Variants in ANAPC10 observed in about 807,000 individuals in gnomAD.
ANAPC10 encodes anaphase-promoting complex subunit 10.
ANAPC10 carries 12 observed loss-of-function variants against 22.0 expected under a neutral mutation model. The observed-to-expected ratio is 0.55, with a 90% CI of 0.35 to 0.88. ANAPC10 has a LOEUF of 0.88. Among genes scored for constraint, ANAPC10 ranks in the 40% least tolerant of loss-of-function variants. The pLI is 0.01. For missense variants in ANAPC10, 188 were observed against 220.9 expected, an observed-to-expected ratio of 0.85 and a Z score of 0.94; for synonymous variants, 65 against 69.5, an observed-to-expected ratio of 0.94 and a Z score of 0.32.
chr4:145,091,183 T>C (rs1223034437), intron 2 of ANAPC10, among the ~76,000 whole-genome samples: 4 of 152,246 alleles, frequency 2.6e-5, no homozygotes, highest in Admixed American at 6.5e-5. Context: ...GCAGTAACTA[T>C]TGATCTCTTC....
rs569483076 is a variant in ANAPC10, at chr4:145,013,286, A to G, written c.328-17683T>C. Among the ~76,000 whole-genome samples, 8 of 152,308 alleles carry G rather than the reference A, an allele frequency of 5.3e-5. No homozygotes were observed. In the South Asian group the frequency reaches 1.4e-3, roughly 28 times the overall value. On this transcript the variant is annotated intron_variant, in intron 4 of 4. Transcript: ENST00000507656. ...ATCTTTCTCATGAGCACAAATGAAA[A>G]AAACCTAGAACAAATACTAGCAAAT...
At chr4:145,085,176 G>A (rs1746676057) in intron 2 of ANAPC10, among the ~76,000 whole-genome samples, 1 of 152,174 alleles carries the variant, frequency 6.6e-6, no homozygotes, top group Non-Finnish European at 1.5e-5. Context: ...GGGATCACTT[G>A]AGTCCTGGAG....
At chr4:145,065,447 G>A (rs927203762) in intron 3 of ANAPC10, among the ~76,000 whole-genome samples, 1 of 151,952 alleles carries the variant, frequency 6.6e-6, no homozygotes, top group African/African-American at 2.4e-5. Flanking sequence ...AGAAAAAGGT[G>A]CTTTCATCAC....
intron 4 of ANAPC10, among the ~76,000 whole-genome samples, chr4:145,024,991 T>C: frequency 6.6e-6 from 1 of 152,220 alleles, no homozygotes; most frequent in Admixed American, 6.5e-5. Flanking sequence ...CCATCAGCAC[T>C]TGCTGCTTCA....
chr4:145,071,873 C>T (rs1167066223), intron 3 of ANAPC10, among the ~76,000 whole-genome samples: 1 of 152,066 alleles, frequency 6.6e-6, no homozygotes, highest in African/African-American at 2.4e-5. Context: ...AAACATACAG[C>T]CAAGTACAGA....
At chr4:145,067,493 C>T (rs1180210698) in intron 3 of ANAPC10, among the ~76,000 whole-genome samples, 1 of 152,146 alleles carries the variant, frequency 6.6e-6, no homozygotes, top group Non-Finnish European at 1.5e-5. Flanking sequence ...CAAACATTTG[C>T]TTTGTTCCTT....
At chr4:145,070,119 A>G (rs1402751584) in intron 3 of ANAPC10, among the ~76,000 whole-genome samples, 1 of 152,218 alleles carries the variant, frequency 6.6e-6, no homozygotes, top group Non-Finnish European at 1.5e-5. Flanking sequence ...GAGACTAAAA[A>G]GTTTAAGAAC....
At chr4:145,022,685 A>C (rs1186477699) in intron 4 of ANAPC10, among the ~76,000 whole-genome samples, 1 of 151,832 alleles carries the variant, frequency 6.6e-6, no homozygotes, top group African/African-American at 2.4e-5. Flanking sequence ...ATATATAGGC[A>C]TTCATATATA....
intron 3 of ANAPC10, among the ~76,000 whole-genome samples, chr4:145,078,208 A>C (rs1258783768): frequency 1.3e-5 from 2 of 152,204 alleles, no homozygotes; most frequent in Non-Finnish European, 2.9e-5. Flanking sequence ...AAAAATCAAT[A>C]GCATTTCTAT....
At chr4:145,088,323 G>A (rs1747188544) in intron 2 of ANAPC10, among the ~76,000 whole-genome samples, 2 of 152,054 alleles carry the variant, frequency 1.3e-5, no homozygotes, top group South Asian at 2.1e-4. Context: ...CTTCAAATTT[G>A]TATCTCCAAC....
In ANAPC10 at chr4:145,053,880, T is replaced by C. The variant is rs938122920; in HGVS notation, c.327+10692A>G. ...AGCAGGTAGTTTCAGCAAGATTTAC[T>C]GCAGCACTTTCAGCTGATTACTACT... On this transcript the variant is annotated intron_variant, in intron 4 of 4. Transcript: ENST00000507656. 5.9e-6 allele frequency: 3 copies of C among 508,630 alleles called. No homozygotes were observed. The African/African-American group carries it at 5.9e-5, about 10-fold the overall frequency. 31.5% of individuals were successfully genotyped at this position (508,630 alleles called of 1,614,324 possible).
chr4:145,042,477 C>A (rs1365078741), intron 4 of ANAPC10, among the ~76,000 whole-genome samples: 1 of 151,976 alleles, frequency 6.6e-6, no homozygotes, highest in Non-Finnish European at 1.5e-5. Context: ...TAAATCAATC[C>A]TTCTTCACAT....
chr4:144,995,956 A>C (rs757355086), intron 4 of ANAPC10, among the ~76,000 whole-genome samples: 12 of 152,262 alleles, frequency 7.9e-5, no homozygotes, highest in Non-Finnish European at 1.5e-4. Context: ...CTGACTAGAC[A>C]CAAGTAGTAT....
At chr4:145,030,989 G>A (rs568054661) in intron 4 of ANAPC10, among the ~76,000 whole-genome samples, 3 of 152,280 alleles carry the variant, frequency 2.0e-5, no homozygotes, top group South Asian at 2.1e-4. Flanking sequence ...TGTACCAGAT[G>A]TGGTTTCATT....
At chr4:144,999,553 G>T (rs1732177006) in intron 4 of ANAPC10, among the ~76,000 whole-genome samples, 1 of 151,958 alleles carries the variant, frequency 6.6e-6, no homozygotes, top group South Asian at 2.1e-4. Flanking sequence ...AAATGAAAGA[G>T]GACACAAACA....
chr4:145,093,288 G>A (rs1164341293), intron 2 of ANAPC10, among the ~76,000 whole-genome samples: 2 of 152,086 alleles, frequency 1.3e-5, no homozygotes, highest in Admixed American at 1.3e-4. Flanking sequence ...GACACTGAAG[G>A]TAACCATAGC....
chr4:145,026,648 A>G (rs551120757), intron 4 of ANAPC10, among the ~76,000 whole-genome samples: 1 of 151,972 alleles, frequency 6.6e-6, no homozygotes, highest in South Asian at 2.1e-4. Flanking sequence ...AAGAGAAAAT[A>G]GTCAAGGATC....
intron 4 of ANAPC10, among the ~76,000 whole-genome samples, chr4:145,056,208 G>A (rs887600558): frequency 6.6e-6 from 1 of 152,180 alleles, no homozygotes; most frequent in African/African-American, 2.4e-5. Context: ...TAATAAAACA[G>A]GCTGCAGTAA....
rs144161252 is a variant in ANAPC10 at position 145,036,910 on chromosome 4, C to G, written c.327+27662G>C. 4.1e-3 allele frequency among the ~76,000 whole-genome samples: 616 copies of G among 151,802 alleles called. 8 individuals carry two copies. The highest frequency in any genetic ancestry group is 0.014 in the African/African-American group (570 of 41,370). ...GAAAGTTAACATAAAAAGGAAGGATCATAGTTTTCCCTAAAGGGTAGGGGA... is the reference window on the plus strand; with the variant it reads ...GAAAGTTAACATAAAAAGGAAGGATGATAGTTTTCCCTAAAGGGTAGGGGA... On this transcript the variant is annotated intron_variant, in intron 4 of 4. Transcript: ENST00000507656.
Sources: allele counts gnomAD v4.1 joint callset (sites outside exome capture counted in the v4.1 genomes callset), GRCh38; gene constraint gnomAD v4.1.1; transcripts MANE v1.5; gene names NCBI Gene and HGNC (gene_info 2026-07-23, HGNC 2026-07-21).